ARMC3: variants seen among roughly 807,000 people sequenced by gnomAD.
The protein encoded by ARMC3 is armadillo repeat containing 3.
Under a neutral mutation model 90.3 loss-of-function variants are expected in ARMC3, and 74 were observed. The ratio of observed to expected loss-of-function variants is 0.82; its 90% CI spans 0.68 to 0.99. The LOEUF is 0.99. Ranked by LOEUF, ARMC3 falls within the 50% of genes least tolerant of loss-of-function variation. The pLI is 0.00. For missense variants in ARMC3, 958 were observed against 1,042.8 expected (o/e 0.92, Z 1.12); for synonymous variants, 334 against 361.8 (o/e 0.92, Z 0.87).
intron 16 of ARMC3, among the ~76,000 whole-genome samples, chr10:23,018,453 T>C (rs1838372801): frequency 6.6e-6 from 1 of 152,150 alleles, no homozygotes; most frequent in Admixed American, 6.5e-5. Flanking sequence ...TGAGAGCCTG[T>C]GTGCTTCAAA....
chr10:22,991,682 C>T (rs1014945148), intron 10 of ARMC3, among the ~76,000 whole-genome samples: 4 of 152,098 alleles, frequency 2.6e-5, no homozygotes. Flanking sequence ...AGGGCCATGG[C>T]CCCGGGGTTA....
intron 10 of ARMC3, among the ~76,000 whole-genome samples, chr10:22,986,306 C>T (rs1391009520): frequency 1.3e-5 from 2 of 152,048 alleles, no homozygotes; most frequent in African/African-American, 2.4e-5. Flanking sequence ...AATCCCAGCA[C>T]TTTGGGAGGC....
rs188480079 is a variant in ARMC3, at chr10:22,931,596, A to G, written c.-1-400A>G. On this transcript the variant is annotated intron_variant, in intron 1 of 18. Transcript: ENST00000298032. Reference sequence around the variant, plus strand: ...GGTATTTAGGATAGATCAGTGCAAGAAAATAGACAAAAACCTCTGCCTTTG... The same window carrying G: ...GGTATTTAGGATAGATCAGTGCAAGGAAATAGACAAAAACCTCTGCCTTTG... Among the ~76,000 whole-genome samples, 136 of 152,334 alleles carry G rather than the reference A, an allele frequency of 8.9e-4. 1 individual carries two copies. The highest frequency in any genetic ancestry group is 3.2e-3 in the African/African-American group (132 of 41,578).
At chr10:22,976,543 C>G (rs143520324) in intron 8 of ARMC3, among the ~76,000 whole-genome samples, 15 of 152,334 alleles carry the variant, frequency 9.8e-5, no homozygotes, top group Non-Finnish European at 2.1e-4. Context: ...AATTACCAGA[C>G]CAGCCTTCAC....
In ARMC3 at chr10:23,037,600, T is replaced by C; in HGVS notation, c.*121T>C. On this transcript the variant is annotated 3_prime_UTR_variant, in exon 19 of 19. Transcript: ENST00000298032. ...ACTTTAAATAAAAGTATTAGAAATG[T>C]TTTCTCTGCGTAGAAATTAGGAAGC... 1 of 932,118 alleles carries C rather than the reference T, an allele frequency of 1.1e-6. No individual in the cohort carries two copies. The highest frequency in any genetic ancestry group is 1.5e-6 in the Non-Finnish European group (1 of 671,784). The allele number at this position is 932,118 out of a possible 1,614,324, so 57.7% of individuals were successfully genotyped here. A position where few individuals can be genotyped will look rare whatever the true frequency, so the allele number is the denominator to read the frequency against.
At chr10:22,963,726 C>T (rs1835301256) in intron 7 of ARMC3, among the ~76,000 whole-genome samples, 1 of 151,788 alleles carries the variant, frequency 6.6e-6, no homozygotes, top group South Asian at 2.1e-4. Context: ...CCCGTCTCTA[C>T]TAAAAATACA....
intron 2 of ARMC3, among the ~76,000 whole-genome samples, chr10:22,937,711 C>G (rs1262948266): frequency 6.6e-6 from 1 of 152,182 alleles, no homozygotes; most frequent in African/African-American, 2.4e-5. Context: ...TTAGAGCCCT[C>G]TCTCCTGACA....
chr10:22,962,227 G>T, intron 7 of ARMC3, 149 bp downstream of exon 7: 1 of 543,170 alleles, frequency 1.8e-6, no homozygotes, highest in Non-Finnish European at 2.9e-6. Context: ...GCTTAAATCA[G>T]GCTAATTGTA....
chr10:23,013,900 G>T (rs1426361074), intron 16 of ARMC3, among the ~76,000 whole-genome samples: 1 of 151,876 alleles, frequency 6.6e-6, no homozygotes. Context: ...ATAGTATCAG[G>T]CTCATCAGGG....
At chr10:23,012,507 A>G (rs7100499) in intron 16 of ARMC3, among the ~76,000 whole-genome samples, 38,762 of 151,840 alleles carry the variant, frequency 0.26, 5,779 homozygotes, top group African/African-American at 0.41. Flanking sequence ...ATTCTGCCCT[A>G]TCACTCTGAA....
intron 13 of ARMC3, among the ~76,000 whole-genome samples, chr10:23,004,564 T>C (rs1837483204): frequency 6.6e-6 from 1 of 152,058 alleles, no homozygotes; most frequent in Non-Finnish European, 1.5e-5. Context: ...TAGATGTGGT[T>C]TGCTAGGCAG....
In ARMC3 at chr10:23,020,070, G is replaced by A. The variant is rs188194317; in HGVS notation, c.2046-10526G>A. ...GTTGTTTCCAGTTTTTGTTGATTATGAATAGAGCTGTTATAAACATTCATG... is the reference window on the plus strand; with the variant it reads ...GTTGTTTCCAGTTTTTGTTGATTATAAATAGAGCTGTTATAAACATTCATG... On this transcript the variant is annotated intron_variant, in intron 16 of 18. Coordinates refer to ENST00000298032, the MANE Select transcript of ARMC3 (RefSeq NM_173081.5). Among the ~76,000 whole-genome samples, 17 of 152,310 alleles carry A rather than the reference G, an allele frequency of 1.1e-4. No homozygotes were observed. The East Asian group carries it at 3.3e-3, about 29-fold the overall frequency.
intron 10 of ARMC3, among the ~76,000 whole-genome samples, chr10:22,984,976 G>T (rs1215483246): frequency 6.7e-6 from 1 of 148,662 alleles, no homozygotes; most frequent in Admixed American, 6.7e-5. Flanking sequence ...GAGCTCAAGC[G>T]ATCCTCCTGC....
intron 10 of ARMC3, among the ~76,000 whole-genome samples, chr10:22,984,871 T>C (rs1284869758): frequency 1.3e-5 from 2 of 151,292 alleles, no homozygotes; most frequent in Non-Finnish European, 2.9e-5. Context: ...TCTTTCCTTC[T>C]CAACCTTCTG....
intron 2 of ARMC3, among the ~76,000 whole-genome samples, chr10:22,945,169 C>T (rs1471505747): frequency 6.6e-6 from 1 of 152,156 alleles, no homozygotes; most frequent in Non-Finnish European, 1.5e-5. Flanking sequence ...AATCATGTTT[C>T]CTTGGAGTAA....
chr10:23,012,058 C>G lies in ARMC3; in HGVS notation c.2045+3127C>G, dbSNP rs138615815. Among the ~76,000 whole-genome samples, 323 of 152,328 alleles carry G rather than the reference C, an allele frequency of 2.1e-3. 2 individuals carry two copies. The highest frequency in any genetic ancestry group is 7.2e-3 in the African/African-American group (298 of 41,568). On this transcript the variant is annotated intron_variant, in intron 16 of 18. Transcript: ENST00000298032. Reference sequence around the variant, plus strand: ...TCCTCACCCAGACGAATGAACACATCAGCTTTCATCTTTGGTTCTTCTGCT... The same window carrying G: ...TCCTCACCCAGACGAATGAACACATGAGCTTTCATCTTTGGTTCTTCTGCT...
intron 4 of ARMC3, among the ~76,000 whole-genome samples, chr10:22,957,127 G>C (rs942689215): frequency 6.6e-6 from 1 of 151,966 alleles, no homozygotes; most frequent in Non-Finnish European, 1.5e-5. Context: ...TACTTTCCCC[G>C]TCTTATGATA....
At chr10:22,953,397 A>G (rs1214459319) in intron 3 of ARMC3, among the ~76,000 whole-genome samples, 1 of 152,174 alleles carries the variant, frequency 6.6e-6, no homozygotes. Flanking sequence ...TAAGAAAAAA[A>G]TATATTTTTT....
intron 10 of ARMC3, among the ~76,000 whole-genome samples, chr10:22,991,931 A>T (rs994038112): frequency 6.6e-6 from 1 of 152,234 alleles, no homozygotes; most frequent in Non-Finnish European, 1.5e-5. Flanking sequence ...GCTGATTTCC[A>T]GGCTAAACAG....
Sources: gnomAD v4.1 joint callset for allele counts (sites outside exome capture counted in the v4.1 genomes callset) on GRCh38, gnomAD v4.1.1 for gene constraint, MANE v1.5 for transcripts, NCBI Gene and HGNC (gene_info 2026-07-23, HGNC 2026-07-21) for gene names.